The following LMBRD1 variants were observed in gnomAD, a reference collection of about 807,000 sequenced individuals.
The protein encoded by LMBRD1 is LMBR1 domain containing 1.
In LMBRD1, 64 loss-of-function variants were observed where a neutral mutation model predicts 74.8. The observed-to-expected ratio is 0.86, with a 90% CI of 0.70 to 1.05. The LOEUF (loss-of-function observed/expected upper bound fraction) is 1.05. Ranked by LOEUF, LMBRD1 falls within the 50% of genes least tolerant of loss-of-function variation. The pLI is 0.00. For missense variants in LMBRD1, 652 were observed against 645.9 expected, an observed-to-expected ratio of 1.01 and a Z score of -0.10; for synonymous variants, 204 against 216.3, an observed-to-expected ratio of 0.94 and a Z score of 0.50.
chr6:69,725,036 T>C (rs1429398715), intron 7 of LMBRD1, among the ~76,000 whole-genome samples: 2 of 151,974 alleles, frequency 1.3e-5, no homozygotes, highest in African/African-American at 4.8e-5. Flanking sequence ...AAAATCAACA[T>C]ACAAAAAATC....
chr6:69,713,186 A>G (rs1766419294), intron 9 of LMBRD1, among the ~76,000 whole-genome samples: 1 of 152,132 alleles, frequency 6.6e-6, no homozygotes, highest in Non-Finnish European at 1.5e-5. Flanking sequence ...AGGAAAGGAT[A>G]GTCAATCCAA....
intron 14 of LMBRD1, among the ~76,000 whole-genome samples, chr6:69,678,311 G>T (rs1427396820): frequency 6.6e-6 from 1 of 151,986 alleles, no homozygotes; most frequent in Non-Finnish European, 1.5e-5. Context: ...ACATTGAATT[G>T]GCTGATGGGA....
intron 1 of LMBRD1, among the ~76,000 whole-genome samples, chr6:69,792,627 A>G (rs551554536): frequency 5.9e-5 from 9 of 152,370 alleles, no homozygotes; most frequent in African/African-American, 1.9e-4. Flanking sequence ...TTTTCATAAA[A>G]TGTGACTTTG....
intron 5 of LMBRD1, chr6:69,746,406 A>T (rs1406270653): frequency 6.4e-6 from 1 of 155,568 alleles, no homozygotes; most frequent in East Asian, 1.9e-4. Flanking sequence ...GGCACTCAGA[A>T]GACCATGGAT....
chr6:69,776,360 A>T (rs1356660020), intron 3 of LMBRD1, among the ~76,000 whole-genome samples: 1 of 152,212 alleles, frequency 6.6e-6, no homozygotes, highest in Non-Finnish European at 1.5e-5. Context: ...AACCTTTTTG[A>T]TCAGTTTCTC....
chr6:69,724,340 G>T, intron 7 of LMBRD1, among the ~76,000 whole-genome samples: 2 of 50,928 alleles, frequency 3.9e-5, no homozygotes, highest in Non-Finnish European at 3.4e-5. Flanking sequence ...CAAAACCAAA[G>T]ACACATTTAA....
chr6:69,717,969 G>T (rs537691370), intron 8 of LMBRD1, among the ~76,000 whole-genome samples: 2 of 152,090 alleles, frequency 1.3e-5, no homozygotes, highest in Non-Finnish European at 1.5e-5. Context: ...CCACCAGTAC[G>T]TACCTAGCCA....
intron 14 of LMBRD1, among the ~76,000 whole-genome samples, chr6:69,683,850 G>A (rs1170217120): frequency 6.6e-6 from 1 of 151,924 alleles, no homozygotes. Flanking sequence ...TCCAGAAGAT[G>A]GAAGGCCACA....
intron 7 of LMBRD1, among the ~76,000 whole-genome samples, chr6:69,725,770 T>C (rs1241694998): frequency 6.6e-6 from 1 of 152,098 alleles, no homozygotes; most frequent in Non-Finnish European, 1.5e-5. Flanking sequence ...AAAGACCTCA[T>C]ACTATGAAAC....
Position 69,675,297 on chromosome 6 carries a change from T to G in LMBRD1, c.*861A>C, listed in dbSNP as rs1232443231. ...TATAATTTTTTATTATTTCTCACTA[T>G]CCAGAATGTGTTCAAAATACCCTAC... On this transcript the variant is annotated 3_prime_UTR_variant, in exon 16 of 16. Coordinates refer to ENST00000649934, the MANE Select transcript of LMBRD1 (RefSeq NM_018368.4). Among the ~76,000 whole-genome samples the G allele has an allele frequency of 2.0e-5, 3 of 152,190 alleles. No individual in the cohort carries two copies. Among genetic ancestry groups the G allele is most frequent in the African/African-American group, 7.2e-5 (3 of 41,458 alleles).
At chr6:69,792,159 GTCTC>G (rs926092142) in intron 1 of LMBRD1, among the ~76,000 whole-genome samples, 3 of 152,178 alleles carry the variant, frequency 2.0e-5, no homozygotes, top group African/African-American at 7.2e-5. Context: ...CTCACCGTGT[GTCTC>G]TCTCTTAAGA....
intron 2 of LMBRD1, among the ~76,000 whole-genome samples, chr6:69,782,828 AT>A (rs1765868435): frequency 1.3e-5 from 2 of 152,334 alleles, no homozygotes; most frequent in South Asian, 4.1e-4. Context: ...GTCAGGGTAA[AT>A]TAGACCCTGT....
chr6:69,713,338 C>T (rs183092320), intron 9 of LMBRD1, among the ~76,000 whole-genome samples: 45 of 152,192 alleles, frequency 3.0e-4, no homozygotes, highest in African/African-American at 1.0e-3. Context: ...AGCATAGGCT[C>T]CTAAGCTCTA....
chr6:69,790,549 T>C (rs1351322274), intron 1 of LMBRD1, 77 bp from the exon 2 acceptor site: 1 of 1,446,086 alleles, frequency 6.9e-7, no homozygotes, highest in Non-Finnish European at 9.7e-7. Context: ...TGAAAGTTTC[T>C]AGCAGGAAAC....
intron 14 of LMBRD1, among the ~76,000 whole-genome samples, chr6:69,684,714 T>C (rs952551132): frequency 2.0e-5 from 3 of 152,114 alleles, no homozygotes; most frequent in Non-Finnish European, 4.4e-5. Context: ...ACAGAAATTG[T>C]AGCATTATAA....
intron 3 of LMBRD1, among the ~76,000 whole-genome samples, chr6:69,767,820 T>C (rs1266011242): frequency 1.3e-5 from 2 of 151,956 alleles, no homozygotes; most frequent in African/African-American, 4.8e-5. Flanking sequence ...GCAACTAATA[T>C]TGGTGAATTA....
intron 3 of LMBRD1, among the ~76,000 whole-genome samples, chr6:69,764,927 TC>T (rs1765448347): frequency 7.5e-6 from 1 of 132,928 alleles, no homozygotes; most frequent in Non-Finnish European, 1.7e-5. Context: ...TAATTTCTTT[TC>T]TTTTTTTTTT....
chr6:69,722,842 A>G (rs1248719000), intron 7 of LMBRD1, among the ~76,000 whole-genome samples: 2 of 152,206 alleles, frequency 1.3e-5, no homozygotes, highest in African/African-American at 4.8e-5. Context: ...ACGTATCAGT[A>G]ACAACACTGA....
rs931940102 is a variant in LMBRD1 at position 69,713,938 on chromosome 6, C to T, written c.763-141G>A. On this transcript the variant is annotated intron_variant, in intron 8 of 15. Coordinates refer to ENST00000649934, the MANE Select transcript of LMBRD1 (RefSeq NM_018368.4). The stretch of plus-strand genomic sequence containing the variant: ...TTACAAACTAAAAAAAACCTGACAA[C>T]TGCAATATGACAATAAACATAGGAT... The T allele has an allele frequency of 5.0e-6, 4 of 799,846 alleles. No homozygotes were observed. In the African/African-American group the frequency reaches 7.0e-5, roughly 14 times the overall value. The allele number at this position is 799,846 out of a possible 1,614,324, so 49.5% of individuals were successfully genotyped here.
Sources: gnomAD v4.1 joint callset for allele counts (sites outside exome capture counted in the v4.1 genomes callset) on GRCh38, gnomAD v4.1.1 for gene constraint, MANE v1.5 for transcripts, NCBI Gene and HGNC (gene_info 2026-07-23, HGNC 2026-07-21) for gene names.